Variants in NR3C2 observed in about 807,000 individuals in gnomAD.
NR3C2 encodes nuclear receptor subfamily 3 group C member 2.
In NR3C2, 15 loss-of-function variants were observed where a neutral mutation model predicts 86.4. That is an observed-to-expected ratio of 0.17 (90% CI 0.12 to 0.27). The LOEUF (loss-of-function observed/expected upper bound fraction) is 0.27, where lower values mean the gene tolerates loss of function less well. NR3C2 is among the 10% of genes least tolerant of loss of function. NR3C2 has a pLI of 1.00. For synonymous variants in NR3C2, 458 were observed against 450.5 expected, an observed-to-expected ratio of 1.02 and a Z score of -0.21; for missense variants, 960 against 1,195.6, an observed-to-expected ratio of 0.80 and a Z score of 2.91.
At chr4:148,122,865 CGT>C (rs1275442784) in intron 6 of NR3C2, among the ~76,000 whole-genome samples, 2 of 152,074 alleles carry the variant, frequency 1.3e-5, no homozygotes, top group African/African-American at 4.8e-5. Flanking sequence ...GATTGTAAAA[CGT>C]GTGTTTGAAC....
intron 6 of NR3C2, among the ~76,000 whole-genome samples, chr4:148,135,725 A>G (rs1733270976): frequency 6.6e-6 from 1 of 152,168 alleles, no homozygotes; most frequent in Non-Finnish European, 1.5e-5. Context: ...CAACCATCTC[A>G]AAGAAAAGAG....
Position 148,081,294 on chromosome 4 carries a change from T to C in NR3C2, c.*50A>G. The C allele has an allele frequency of 6.2e-7, 1 of 1,613,192 alleles. No homozygotes were observed. Among genetic ancestry groups the C allele is most frequent in the Non-Finnish European group, 8.5e-7 (1 of 1,179,236 alleles). Reference sequence around the variant, plus strand: ...AGGTTTTCTTGGGTCCTTCTGGGTGTGGAACAACACAGGGAAACTTAAGGC... The same window carrying C: ...AGGTTTTCTTGGGTCCTTCTGGGTGCGGAACAACACAGGGAAACTTAAGGC... On this transcript the variant is annotated 3_prime_UTR_variant, in exon 9 of 9. Transcript: ENST00000358102.
intron 8 of NR3C2, 49 bp downstream of exon 8, chr4:148,114,053 GTA>G: frequency 6.2e-7 from 1 of 1,601,520 alleles, no homozygotes; most frequent in Non-Finnish European, 8.5e-7. Flanking sequence ...TCAGCAGTGT[GTA>G]TGTGGTTGCT....
chr4:148,216,099 G>A (rs1049633973), intron 3 of NR3C2, among the ~76,000 whole-genome samples: 1 of 152,050 alleles, frequency 6.6e-6, no homozygotes, highest in African/African-American at 2.4e-5. Context: ...TCATTATAAT[G>A]GGAAAGCAAC....
chr4:148,230,267 C>T (rs560289070), intron 3 of NR3C2, among the ~76,000 whole-genome samples: 1 of 152,284 alleles, frequency 6.6e-6, no homozygotes, highest in Non-Finnish European at 1.5e-5. Flanking sequence ...GATCTTGGCT[C>T]ACTGCAACCT....
At chr4:148,109,030 C>T (rs1266998745) in intron 8 of NR3C2, among the ~76,000 whole-genome samples, 1 of 152,188 alleles carries the variant, frequency 6.6e-6, no homozygotes, top group African/African-American at 2.4e-5. Context: ...CAAGTGTTCT[C>T]TCCTCATAAT....
chr4:148,155,186 G>T (rs1734306994), intron 4 of NR3C2, among the ~76,000 whole-genome samples: 1 of 152,192 alleles, frequency 6.6e-6, no homozygotes, highest in African/African-American at 2.4e-5. Context: ...AATATGTTCA[G>T]TATAACCAAG....
At position 148,183,949 on chromosome 4, in the gene NR3C2, AT is replaced by A. The variant is rs1296514174; in HGVS notation, c.2014+10796del. ...GGGACATTTGGTAAAGTCTGGAGAT[AT>A]TTTTAGTTGTCACAACTGGAGGAGA... On this transcript the variant is annotated intron_variant, in intron 4 of 8. Coordinates refer to ENST00000358102, the MANE Select transcript of NR3C2 (RefSeq NM_000901.5). Among the ~76,000 whole-genome samples the A allele has an allele frequency of 2.6e-5, 4 of 152,138 alleles. No individual in the cohort carries two copies. The East Asian group carries it at 7.7e-4, about 29-fold the overall frequency.
chr4:148,139,425 C>A (rs1733507186), intron 6 of NR3C2, among the ~76,000 whole-genome samples: 1 of 84,752 alleles, frequency 1.2e-5, no homozygotes, highest in Non-Finnish European at 2.5e-5. Flanking sequence ...AGCATCAGCT[C>A]AGAATCCTTC....
At chr4:148,358,882 G>C (rs1745699899) in intron 2 of NR3C2, among the ~76,000 whole-genome samples, 1 of 151,946 alleles carries the variant, frequency 6.6e-6, no homozygotes, top group East Asian at 1.9e-4. Context: ...ATTTCCATTA[G>C]CCAAGTTTGA....
At chr4:148,437,500 G>GATGATGAAGA (rs1750136556) in intron 1 of NR3C2, among the ~76,000 whole-genome samples, 1 of 152,146 alleles carries the variant, frequency 6.6e-6, no homozygotes, top group African/African-American at 2.4e-5. Flanking sequence ...ATAATTTAAT[G>GATGATGAAGA]TCAGTTCTGA....
At chr4:148,383,405 T>C (rs1747099072) in intron 2 of NR3C2, among the ~76,000 whole-genome samples, 1 of 152,196 alleles carries the variant, frequency 6.6e-6, no homozygotes, top group Non-Finnish European at 1.5e-5. Flanking sequence ...TTTTTGCTTT[T>C]GTTAGAGTGA....
chr4:148,093,758 GA>G (rs1731159323), intron 8 of NR3C2, among the ~76,000 whole-genome samples: 1 of 152,122 alleles, frequency 6.6e-6, no homozygotes, highest in African/African-American at 2.4e-5. Flanking sequence ...GATTATATAA[GA>G]AGTTTGGCCT....
At chr4:148,114,032 G>A in intron 8 of NR3C2, 72 bp downstream of exon 8, 1 of 1,573,384 alleles carries the variant, frequency 6.4e-7, no homozygotes, top group South Asian at 1.1e-5. Flanking sequence ...CTCAGTCTCT[G>A]TTTCCTTTGG....
At chr4:148,238,044 C>CT (rs1738831497) in intron 3 of NR3C2, among the ~76,000 whole-genome samples, 2 of 152,214 alleles carry the variant, frequency 1.3e-5, no homozygotes, top group African/African-American at 4.8e-5. Context: ...AAATATGCTT[C>CT]TTTTTTCCTA....
chr4:148,089,989 A>G (rs1478312645), intron 8 of NR3C2, among the ~76,000 whole-genome samples: 1 of 152,192 alleles, frequency 6.6e-6, no homozygotes, highest in Admixed American at 6.5e-5. Context: ...CAACCACCAC[A>G]AGGACGAGTG....
At chr4:148,152,327 A>C (rs771595827) in intron 6 of NR3C2, 142 bp downstream of exon 6, 16 of 838,948 alleles carry the variant, frequency 1.9e-5, no homozygotes, top group Non-Finnish European at 3.0e-5. Context: ...AAGTTCCCAG[A>C]GATCTGTAAA....
chr4:148,236,424 G>A (rs372251444), intron 3 of NR3C2, among the ~76,000 whole-genome samples: 3 of 151,912 alleles, frequency 2.0e-5, no homozygotes, highest in East Asian at 3.9e-4. Context: ...TTTTCATATG[G>A]GTGAAAAGAT....
At chr4:148,139,669 T>C (rs1164197540) in intron 6 of NR3C2, among the ~76,000 whole-genome samples, 1 of 152,180 alleles carries the variant, frequency 6.6e-6, no homozygotes, top group African/African-American at 2.4e-5. Context: ...CGGGCAACAC[T>C]CCTACTGCAG....
Sources: allele counts gnomAD v4.1 joint callset (sites outside exome capture counted in the v4.1 genomes callset), GRCh38; gene constraint gnomAD v4.1.1; transcripts MANE v1.5; gene names NCBI Gene and HGNC (gene_info 2026-07-23, HGNC 2026-07-21).